WARS2: variants seen among roughly 807,000 people sequenced by gnomAD.
WARS2 encodes tryptophan--tRNA ligase, mitochondrial.
A neutral mutation model predicts 36.5 loss-of-function variants in WARS2; 28 were observed. The observed-to-expected ratio is 0.77, with a 90% CI of 0.57 to 1.05. The LOEUF is 1.05. WARS2 is among the 50% of genes least tolerant of loss of function. The pLI is 0.00. For synonymous variants in WARS2, 174 were observed against 178.4 expected, an observed-to-expected ratio of 0.98 and a Z score of 0.20; for missense variants, 435 against 456.8, an observed-to-expected ratio of 0.95 and a Z score of 0.44.
At chr1:119,122,422 G>C (rs1445046226) in intron 1 of WARS2, among the ~76,000 whole-genome samples, 1 of 152,140 alleles carries the variant, frequency 6.6e-6, no homozygotes, top group Non-Finnish European at 1.5e-5. Flanking sequence ...TGGTGAGAAG[G>C]AACAGTTTTA....
At chr1:119,125,827 AG>A (rs1655618049) in intron 1 of WARS2, among the ~76,000 whole-genome samples, 2 of 152,346 alleles carry the variant, frequency 1.3e-5, no homozygotes, top group East Asian at 3.9e-4. Context: ...ATTATCAGGT[AG>A]ACTACCCATC....
At chr1:119,116,884 C>T (rs192543901) in intron 1 of WARS2, among the ~76,000 whole-genome samples, 266 of 152,182 alleles carry the variant, frequency 1.7e-3, no homozygotes, top group African/African-American at 5.2e-3. Context: ...CGAACTTCCC[C>T]GAGTAGAATC....
intron 4 of WARS2, among the ~76,000 whole-genome samples, chr1:119,041,424 G>A (rs1294893620): frequency 6.6e-6 from 1 of 152,172 alleles, no homozygotes; most frequent in Non-Finnish European, 1.5e-5. Flanking sequence ...GCATCCTCAG[G>A]TGTATATTTT....
chr1:119,130,668 G>A (rs1258307553), intron 1 of WARS2, among the ~76,000 whole-genome samples: 3 of 152,078 alleles, frequency 2.0e-5, no homozygotes, highest in Non-Finnish European at 4.4e-5. Context: ...CAATCTCCTT[G>A]ATGACAATGC....
chr1:119,114,879 G>GAT lies in WARS2; in HGVS notation c.90+25674_90+25675dup, dbSNP rs1654865715. Among the ~76,000 whole-genome samples the GAT allele has an allele frequency of 3.3e-5, 5 of 152,114 alleles. No individual in the cohort carries two copies. In the South Asian group the frequency reaches 1.0e-3, roughly 32 times the overall value. On this transcript the variant is annotated intron_variant, in intron 1 of 5. Coordinates refer to ENST00000235521, the MANE Select transcript of WARS2 (RefSeq NM_015836.4). ...CCTTAAATGCAGCCATATGCTCCCTGATATTATAAGTCCTATTATGCAAGC... is the reference window on the plus strand; with the variant it reads ...CCTTAAATGCAGCCATATGCTCCCTGATATATTATAAGTCCTATTATGCAAGC...
chr1:119,103,113 T>C (rs188618537), intron 1 of WARS2, among the ~76,000 whole-genome samples: 2 of 152,356 alleles, frequency 1.3e-5, no homozygotes, highest in Admixed American at 6.5e-5. Flanking sequence ...GTTTACCACT[T>C]GTGTCAAAGA....
intron 3 of WARS2, among the ~76,000 whole-genome samples, chr1:119,045,044 G>C (rs1429317996): frequency 6.6e-6 from 1 of 152,136 alleles, no homozygotes; most frequent in African/African-American, 2.4e-5. Flanking sequence ...TTATCCGACT[G>C]CAAAAATAAA....
chr1:119,036,971 T>C (rs937212099), intron 4 of WARS2, among the ~76,000 whole-genome samples: 3 of 152,212 alleles, frequency 2.0e-5, no homozygotes, highest in Non-Finnish European at 2.9e-5. Context: ...GTTTACACTT[T>C]ACATTAATTC....
rs1557763980 is a variant in WARS2, at chr1:119,135,761, G to GAGAT, written c.90+4793_90+4794insATCT. ...AGATAGATAGATAGATAGAGAGATA[G>GAGAT]AGAGAGAGAGAGAGATGGGTTTTGG... On this transcript the variant is annotated intron_variant, in intron 1 of 5. Coordinates refer to ENST00000235521, the MANE Select transcript of WARS2 (RefSeq NM_015836.4). Among the ~76,000 whole-genome samples the GAGAT allele has an allele frequency of 2.5e-4, 22 of 87,166 alleles. No individual in the cohort carries two copies. In the East Asian group the frequency reaches 5.6e-3, roughly 22 times the overall value. The allele number at this position is 87,166 out of a possible 152,430, so 57.2% of individuals were successfully genotyped here. A position where few individuals can be genotyped will look rare whatever the true frequency, so the allele number is the denominator to read the frequency against.
At chr1:119,094,143 A>G (rs973200453) in intron 1 of WARS2, among the ~76,000 whole-genome samples, 2 of 152,208 alleles carry the variant, frequency 1.3e-5, no homozygotes, top group Admixed American at 6.5e-5. Flanking sequence ...TTGATTCCAT[A>G]AAATTACTGC....
intron 1 of WARS2, chr1:119,085,626 T>C: frequency 6.9e-7 from 1 of 1,442,304 alleles, no homozygotes; most frequent in Non-Finnish European, 9.8e-7. Context: ...AGACACATGA[T>C]CCACTCGGAT....
chr1:119,131,649 G>T (rs1210312531), intron 1 of WARS2, among the ~76,000 whole-genome samples: 3 of 152,038 alleles, frequency 2.0e-5, no homozygotes, highest in Admixed American at 2.0e-4. Flanking sequence ...TTTTAGTAGA[G>T]ATGAGGTTTC....
At chr1:119,106,324 A>C (rs1654236959) in intron 1 of WARS2, among the ~76,000 whole-genome samples, 1 of 152,168 alleles carries the variant, frequency 6.6e-6, no homozygotes, top group South Asian at 2.1e-4. Flanking sequence ...ATAATCACCC[A>C]AACTCCACAG....
At chr1:119,124,611 C>T (rs1655533715) in intron 1 of WARS2, among the ~76,000 whole-genome samples, 1 of 152,102 alleles carries the variant, frequency 6.6e-6, no homozygotes, top group South Asian at 2.1e-4. Flanking sequence ...TAGTCCAAGC[C>T]ACCATCATCT....
At chr1:119,035,414 A>G (rs1196225173) in intron 4 of WARS2, among the ~76,000 whole-genome samples, 2 of 152,196 alleles carry the variant, frequency 1.3e-5, no homozygotes, top group African/African-American at 2.4e-5. Context: ...AGTGAGGTTC[A>G]TCATGGAGCT....
intron 1 of WARS2, among the ~76,000 whole-genome samples, chr1:119,130,608 T>C (rs1255049555): frequency 2.0e-5 from 3 of 152,220 alleles, no homozygotes; most frequent in Admixed American, 6.5e-5. Flanking sequence ...ACACAACTTT[T>C]GTAATTAAAT....
At chr1:119,111,835 G>GT (rs1174117189) in intron 1 of WARS2, among the ~76,000 whole-genome samples, 2 of 152,072 alleles carry the variant, frequency 1.3e-5, no homozygotes, top group African/African-American at 4.8e-5. Flanking sequence ...CCAAATATCT[G>GT]TATCTCCAAT....
Position 119,128,160 on chromosome 1 carries a change from C to T in WARS2, c.90+12395G>A, listed in dbSNP as rs369427917. On this transcript the variant is annotated intron_variant, in intron 1 of 5. Transcript: ENST00000235521. ...TGCAATCTTGGCTCACTGCAACCTC[C>T]GCCTCCTGGGTTCAAGCTATTATCC... Among the ~76,000 whole-genome samples, 14 of 152,106 alleles carry T rather than the reference C, an allele frequency of 9.2e-5. No homozygotes were observed. The East Asian group carries it at 1.2e-3, about 13-fold the overall frequency.
chr1:119,066,305 C>A (rs1028881103), intron 2 of WARS2, among the ~76,000 whole-genome samples: 1 of 151,664 alleles, frequency 6.6e-6, no homozygotes, highest in Non-Finnish European at 1.5e-5. Context: ...GGTGAAACCC[C>A]GTCTTTACTA....
Sources: gnomAD v4.1 joint callset for allele counts (sites outside exome capture counted in the v4.1 genomes callset) on GRCh38, gnomAD v4.1.1 for gene constraint, MANE v1.5 for transcripts, NCBI Gene and HGNC (gene_info 2026-07-23, HGNC 2026-07-21) for gene names.